FAM184B: variants seen among roughly 807,000 people sequenced by gnomAD.
FAM184B encodes the protein family with sequence similarity 184 member B.
FAM184B carries 111 observed loss-of-function variants against 135.9 expected under a neutral mutation model. The observed-to-expected ratio is 0.82, with a 90% CI of 0.70 to 0.96. The LOEUF (loss-of-function observed/expected upper bound fraction) is 0.96. Ranked by LOEUF, FAM184B falls within the 40% of genes least tolerant of loss-of-function variation. The probability of loss-of-function intolerance (pLI) is 0.00; values close to 1 mark genes in which losing one functional copy is unlikely to be tolerated. For missense variants in FAM184B, 1,375 were observed against 1,323.9 expected (o/e 1.04, Z -0.60); for synonymous variants, 552 against 524.8 (o/e 1.05, Z -0.71).
intron 13 of FAM184B, among the ~76,000 whole-genome samples, chr4:17,641,461 CTTTTTTTTTTTTTTTTTTTTTT>C (rs71167316): frequency 2.6e-4 from 12 of 45,646 alleles, no homozygotes; most frequent in Non-Finnish European, 3.1e-4. Flanking sequence ...AGGACTCCCT[CTTTTTTTTTTTTTTTTTTTTTT>C]TTTTTTTTTT....
At chr4:17,664,046 G>A (rs1388935638) in intron 8 of FAM184B, among the ~76,000 whole-genome samples, 1 of 152,090 alleles carries the variant, frequency 6.6e-6, no homozygotes, top group African/African-American at 2.4e-5. Flanking sequence ...ACCCAGTCTT[G>A]GGGGATTCTT....
intron 7 of FAM184B, among the ~76,000 whole-genome samples, chr4:17,672,301 C>A (rs1428697982): frequency 1.3e-5 from 2 of 152,096 alleles, no homozygotes; most frequent in Non-Finnish European, 2.9e-5. Context: ...GGAAAACCCT[C>A]CTTCAAAAAT....
chr4:17,714,745 C>T (rs1717369321), intron 1 of FAM184B, among the ~76,000 whole-genome samples: 1 of 152,054 alleles, frequency 6.6e-6, no homozygotes, highest in African/African-American at 2.4e-5. Flanking sequence ...TAGGGGCAAG[C>T]TTCCAAGGTG....
At position 17,693,266 on chromosome 4, in the gene FAM184B, A is replaced by G. The variant is rs1177409412; in HGVS notation, c.1488+36T>C. The G allele has an allele frequency of 3.3e-6, 5 of 1,495,470 alleles. No homozygotes were observed. The East Asian group carries it at 1.2e-4, about 37-fold the overall frequency. The allele number at this position is 1,495,470 out of a possible 1,614,324, so 92.6% of individuals were successfully genotyped here. On this transcript the variant is annotated intron_variant, in intron 6 of 17. Transcript: ENST00000265018. Reference sequence around the variant, plus strand: ...AGGTAGAAGCTCCCAGGGACCAGAAACAGCACCCCAAGGCTTGCATTTGGT... The same window carrying G: ...AGGTAGAAGCTCCCAGGGACCAGAAGCAGCACCCCAAGGCTTGCATTTGGT...
At position 17,762,013 on chromosome 4, in the gene FAM184B, CTCT is replaced by C. The variant is rs1157673786; in HGVS notation, c.141+19143_141+19145del. ...TTTTATGGGCTAGCAATCCCCAGGG[CTCT>C]TCATTTTGTTTTGTTTTGTTTTGTT... On this transcript the variant is annotated intron_variant, in intron 1 of 17. Transcript: ENST00000265018. 2.4e-4 allele frequency among the ~76,000 whole-genome samples: 36 copies of C among 147,638 alleles called. 1 individual carries two copies. The highest frequency in any genetic ancestry group is 2.4e-3 in the Admixed American group (36 of 15,140).
chr4:17,766,028 T>C (rs1718674732), intron 1 of FAM184B, among the ~76,000 whole-genome samples: 1 of 152,204 alleles, frequency 6.6e-6, no homozygotes, highest in African/African-American at 2.4e-5. Context: ...GCTGCAGACC[T>C]TCCCCGTGAG....
chr4:17,645,011 G>A (rs1715430631), intron 12 of FAM184B, among the ~76,000 whole-genome samples: 1 of 152,072 alleles, frequency 6.6e-6, no homozygotes, highest in South Asian at 2.1e-4. Context: ...AAAATACCTA[G>A]GAATCCAACT....
intron 14 of FAM184B, 22 bp from the exon 15 acceptor site, chr4:17,636,667 T>C (rs781085020): frequency 1.3e-5 from 19 of 1,519,510 alleles, no homozygotes; most frequent in Non-Finnish European, 1.7e-5. Flanking sequence ...AGGCATGCAG[T>C]CAAGTCCCCC....
At chr4:17,713,001 A>T (rs1717319684) in intron 1 of FAM184B, among the ~76,000 whole-genome samples, 1 of 152,136 alleles carries the variant, frequency 6.6e-6, no homozygotes, top group Admixed American at 6.5e-5. Context: ...GAAAGAGTGA[A>T]CGTATAACCA....
intron 1 of FAM184B, among the ~76,000 whole-genome samples, chr4:17,718,836 A>G (rs202145336): frequency 6.6e-6 from 1 of 152,252 alleles, no homozygotes; most frequent in East Asian, 1.9e-4. Context: ...GAAACTGAGC[A>G]GGAAATAACT....
At chr4:17,747,482 A>G (rs1718192363) in intron 1 of FAM184B, among the ~76,000 whole-genome samples, 1 of 152,188 alleles carries the variant, frequency 6.6e-6, no homozygotes, top group Non-Finnish European at 1.5e-5. Context: ...TCTAAACAAA[A>G]TACAAAGTAA....
intron 13 of FAM184B, among the ~76,000 whole-genome samples, chr4:17,641,643 C>CATTTTTT (rs1715318362): frequency 4.1e-5 from 1 of 24,376 alleles, no homozygotes; most frequent in Non-Finnish European, 7.2e-5. Context: ...CACGCCCGGC[C>CATTTTTT]TTTTTTTTTT....
intron 12 of FAM184B, among the ~76,000 whole-genome samples, chr4:17,643,788 C>G (rs973228636): frequency 6.6e-6 from 1 of 152,220 alleles, no homozygotes; most frequent in Non-Finnish European, 1.5e-5. Flanking sequence ...AATGAATCCT[C>G]ACCACCCACA....
At chr4:17,646,147 C>G (rs1262985285) in intron 12 of FAM184B, among the ~76,000 whole-genome samples, 3 of 152,196 alleles carry the variant, frequency 2.0e-5, no homozygotes, top group Non-Finnish European at 4.4e-5. Flanking sequence ...TAAACTGGTT[C>G]AACCATTGTG....
At chr4:17,772,096 G>T (rs890490632) in intron 1 of FAM184B, among the ~76,000 whole-genome samples, 8 of 152,078 alleles carry the variant, frequency 5.3e-5, no homozygotes, top group Non-Finnish European at 1.0e-4. Flanking sequence ...TTATTCATTT[G>T]CTCTCTAGAT....
chr4:17,770,734 G>C (rs187851280), intron 1 of FAM184B, among the ~76,000 whole-genome samples: 325 of 152,256 alleles, frequency 2.1e-3, no homozygotes, highest in African/African-American at 7.4e-3. Context: ...CCAAAGTGCT[G>C]GGATTACAGG....
Position 17,633,847 on chromosome 4 carries a change from C to T in FAM184B, c.2931G>A (p.Val977=). ...TCTTTGCATAGGAGGCGAGGTTCGG[C>T]ACGCTGACCACGCGGCTGGGCACGT... ...VEDVPSRVVS[V]PNLASYAKNF... is the part of the protein sequence containing the mutation. The change falls in exon 17 of 18, where the codon GTG becomes GTA. Residue 977 remains valine, a synonymous_variant. Coordinates refer to ENST00000265018, the MANE Select transcript of FAM184B (RefSeq NM_015688.2). 6.4e-7 allele frequency: 1 copy of T among 1,551,202 alleles called. No individual in the cohort carries two copies. The highest frequency in any genetic ancestry group is 1.2e-5 in the South Asian group (1 of 83,996).
At chr4:17,725,451 C>T (rs1717618661) in intron 1 of FAM184B, among the ~76,000 whole-genome samples, 1 of 152,302 alleles carries the variant, frequency 6.6e-6, no homozygotes, top group Admixed American at 6.5e-5. Flanking sequence ...GTAATAGAAA[C>T]TACTCTTTCA....
chr4:17,732,460 A>G (rs573652651), intron 1 of FAM184B, among the ~76,000 whole-genome samples: 4,874 of 152,258 alleles, frequency 0.032, 168 homozygotes, highest in African/African-American at 0.086. Flanking sequence ...AAAGAAGAAA[A>G]GAGAGAAGAA....
Sources: allele counts gnomAD v4.1 joint callset (sites outside exome capture counted in the v4.1 genomes callset), GRCh38; gene constraint gnomAD v4.1.1; transcripts MANE v1.5; gene names NCBI Gene and HGNC (gene_info 2026-07-23, HGNC 2026-07-21).